MYBL1: variants seen among roughly 807,000 people sequenced by gnomAD.
The protein encoded by MYBL1 is myb-related protein A.
MYBL1 carries 17 observed loss-of-function variants against 96.3 expected under a neutral mutation model. The observed-to-expected ratio is 0.18, with a 90% confidence interval of 0.12 to 0.26. MYBL1 has a LOEUF of 0.26. Ranked by LOEUF, MYBL1 falls within the 10% of genes least tolerant of loss-of-function variation. The probability of loss-of-function intolerance (pLI) is 1.00; values close to 1 mark genes in which losing one functional copy is unlikely to be tolerated. For synonymous variants in MYBL1, 282 were observed against 292.7 expected (o/e 0.96, Z 0.37); for missense variants, 701 against 882.9 (o/e 0.79, Z 2.61).
At chr8:66,605,103 A>G (rs1563553190) in intron 1 of MYBL1, among the ~76,000 whole-genome samples, 1 of 152,238 alleles carries the variant, frequency 6.6e-6, no homozygotes, top group African/African-American at 2.4e-5. Flanking sequence ...TTAGCTTAAT[A>G]TATCAAAAAT....
intron 9 of MYBL1, among the ~76,000 whole-genome samples, chr8:66,578,735 T>C (rs943559551): frequency 2.6e-5 from 4 of 152,228 alleles, no homozygotes; most frequent in African/African-American, 9.6e-5. Flanking sequence ...ACTGGGTATA[T>C]ACCCAAAGGA....
Position 66,566,666 on chromosome 8 carries a change from T to G in MYBL1, c.1950+18A>C. The G allele has an allele frequency of 6.6e-7, 1 of 1,509,234 alleles. No individual in the cohort carries two copies. The highest frequency in any genetic ancestry group is 9.1e-7 in the Non-Finnish European group (1 of 1,095,952). The allele number at this position is 1,509,234 out of a possible 1,614,324, so 93.5% of individuals were successfully genotyped here. A position where few individuals can be genotyped will look rare whatever the true frequency, so the allele number is the denominator to read the frequency against. ...AAGCAACCATTTAAAATAACAACAA[T>G]AATAATCCTTTACAAACCTGCATGT... On this transcript the variant is annotated intron_variant, in intron 14 of 15. Coordinates refer to ENST00000522677, the MANE Select transcript of MYBL1 (RefSeq NM_001080416.4).
rs542910469 is a variant in MYBL1, at chr8:66,573,430, T to A, written c.1547A>T (p.Gln516Leu). The change falls in exon 11 of 16, where the codon CAG (glutamine) becomes CTG (leucine). Residue 516 changes from glutamine to leucine, a missense_variant. Gln to Leu is a moderately radical substitution (Grantham distance 113, BLOSUM62 -2). Coordinates refer to ENST00000522677, the MANE Select transcript of MYBL1 (RefSeq NM_001080416.4). ...AAGAGGAGTTGTAATGAGAGCTTTC[T>A]GCCCACAAATAGGGGTTGATGTAAA... ...PSFTSTPICG[Q>L]KALITTPLHK... The A allele has an allele frequency of 3.7e-6, 6 of 1,612,996 alleles. No homozygotes were observed. The Admixed American group carries it at 8.3e-5, about 22-fold the overall frequency.
At chr8:66,582,654 G>T (rs1453118608) in intron 8 of MYBL1, among the ~76,000 whole-genome samples, 1 of 148,556 alleles carries the variant, frequency 6.7e-6, no homozygotes, top group Non-Finnish European at 1.5e-5. Flanking sequence ...GAAGGTCGAG[G>T]TTACAGAGAG....
intron 1 of MYBL1, among the ~76,000 whole-genome samples, chr8:66,609,325 A>G (rs1234564603): frequency 6.6e-6 from 1 of 152,072 alleles, no homozygotes; most frequent in Non-Finnish European, 1.5e-5. Context: ...ATTCTAAAAG[A>G]AAGAGAAATA....
chr8:66,570,347 T>C (rs1272763470), intron 12 of MYBL1, among the ~76,000 whole-genome samples: 1 of 151,586 alleles, frequency 6.6e-6, no homozygotes. Context: ...CTGCACTCTG[T>C]CCTTTAGGCT....
intron 1 of MYBL1, among the ~76,000 whole-genome samples, chr8:66,609,310 T>G (rs541838957): frequency 1.8e-4 from 28 of 152,164 alleles, no homozygotes; most frequent in African/African-American, 6.7e-4. Flanking sequence ...TTTTTTAAAT[T>G]TTTTATTCTA....
At position 66,599,121 on chromosome 8, in the gene MYBL1, G is replaced by A; in HGVS notation, c.220C>T (p.Gln74Ter). ...TTTAAAACTTTCTGCCATCGATGCT[G>A]GCACTGAAAATCAGAGCGATTCTGA... ...HLQNRSDFQC[Q>*]HRWQKVLNPE... Residue 74 changes from glutamine (Q) to a stop codon, truncating the protein, a stop_gained, in exon 4 of 16, where the codon CAG becomes TAG. Coordinates refer to ENST00000522677, the MANE Select transcript of MYBL1 (RefSeq NM_001080416.4). LOFTEE classifies it high-confidence loss of function. The A allele has an allele frequency of 6.3e-7, 1 of 1,593,100 alleles. No individual in the cohort carries two copies. The highest frequency in any genetic ancestry group is 1.2e-5 in the South Asian group (1 of 86,486).
intron 1 of MYBL1, among the ~76,000 whole-genome samples, chr8:66,604,986 G>A (rs1465855356): frequency 6.6e-6 from 1 of 152,050 alleles, no homozygotes; most frequent in Non-Finnish European, 1.5e-5. Flanking sequence ...GTCTGGAACA[G>A]CACTTCCCAA....
intron 1 of MYBL1, 179 bp downstream of exon 1, chr8:66,612,640 A>G: frequency 3.1e-6 from 2 of 645,228 alleles, no homozygotes; most frequent in Non-Finnish European, 4.6e-6. Flanking sequence ...CTGGTCCCCA[A>G]CTCTCCACAC....
chr8:66,590,721 C>A (rs999965492), intron 8 of MYBL1, among the ~76,000 whole-genome samples: 3 of 151,262 alleles, frequency 2.0e-5, no homozygotes, highest in Non-Finnish European at 4.4e-5. Flanking sequence ...AATAATAAGG[C>A]TCAAGGCATT....
rs1808533641 is a variant in MYBL1, at chr8:66,567,059, G to C, written c.1729-67C>G. The C allele has an allele frequency of 1.2e-5, 12 of 1,011,522 alleles. 1 individual carries two copies. In the Middle Eastern group the frequency reaches 9.3e-4, roughly 78 times the overall value. 62.7% of individuals were successfully genotyped at this position (1,011,522 alleles called of 1,614,324 possible). On this transcript the variant is annotated intron_variant, in intron 12 of 15. Transcript: ENST00000522677. Reference sequence around the variant, plus strand: ...AATTCCTTTTTCTCCCTATATATAGGAAACCCATCTTTTATACTTGTCCAT... The same window carrying C: ...AATTCCTTTTTCTCCCTATATATAGCAAACCCATCTTTTATACTTGTCCAT...
At chr8:66,581,825 A>T (rs951987152) in intron 8 of MYBL1, among the ~76,000 whole-genome samples, 1 of 152,206 alleles carries the variant, frequency 6.6e-6, no homozygotes, top group Non-Finnish European at 1.5e-5. Flanking sequence ...AAAAAGAAAA[A>T]TGCCTGCCAA....
intron 12 of MYBL1, among the ~76,000 whole-genome samples, chr8:66,569,375 G>C (rs917432610): frequency 4.7e-4 from 70 of 150,116 alleles, no homozygotes; most frequent in African/African-American, 1.6e-3. Context: ...TTTGAGGTGG[G>C]GTCTCACTCT....
chr8:66,567,718 A>C lies in MYBL1; in HGVS notation c.1729-726T>G, dbSNP rs1808561332. 1.3e-5 allele frequency among the ~76,000 whole-genome samples: 2 copies of C among 152,298 alleles called. 1 individual carries two copies. The highest frequency in any genetic ancestry group is 6.8e-3 in the Middle Eastern group (2 of 294). ...CTAACTTATACCTTTCATAACCAAG[A>C]TATACTTGAAAAGGTAATAAAACCT... On this transcript the variant is annotated intron_variant, in intron 12 of 15. Transcript: ENST00000522677.
In MYBL1 at chr8:66,576,138, G is replaced by A; in HGVS notation, c.1339C>T (p.Leu447Phe). 4.3e-6 allele frequency: 7 copies of A among 1,613,910 alleles called. No individual in the cohort carries two copies. The highest frequency in any genetic ancestry group is 5.9e-6 in the Non-Finnish European group (7 of 1,179,868). Residue 447 changes from leucine to phenylalanine, a missense_variant, in exon 10 of 16, where the codon CTC becomes TTC. Leu to Phe is a conservative substitution (Grantham distance 22, BLOSUM62 0). Coordinates refer to ENST00000522677, the MANE Select transcript of MYBL1 (RefSeq NM_001080416.4). The stretch of plus-strand genomic sequence containing the variant: ...ACTCGCATTTTTCTCTTCTTTCTGA[G>A]GATGGCTGGTGGAGTGCTAAACTTG... ...IAKFSTPPAI[L>F]RKKRKMRVGH...
intron 8 of MYBL1, among the ~76,000 whole-genome samples, chr8:66,580,808 CTCTA>C (rs898283937): frequency 6.6e-5 from 10 of 152,026 alleles, no homozygotes; most frequent in African/African-American, 2.4e-4. Context: ...TTGCTGCTCC[CTCTA>C]TCTATTAATA....
intron 5 of MYBL1, among the ~76,000 whole-genome samples, chr8:66,596,561 C>T (rs1478404358): frequency 1.3e-5 from 2 of 152,190 alleles, no homozygotes; most frequent in African/African-American, 4.8e-5. Context: ...AACACTATGC[C>T]TTAATATCTT....
rs1427134400 is a variant in MYBL1 at position 66,564,844 on chromosome 8, T to C, written c.2131-19A>G. On this transcript the variant is annotated intron_variant, in intron 15 of 15. Coordinates refer to ENST00000522677, the MANE Select transcript of MYBL1 (RefSeq NM_001080416.4). ...AATTTGACTAGAAAGGAAATATTAA[T>C]AGTGACATGAAAATTATTAAAATAG... The C allele has an allele frequency of 6.6e-7, 1 of 1,521,068 alleles. No homozygotes were observed. Among genetic ancestry groups the C allele is most frequent in the Admixed American group, 2.0e-5 (1 of 49,974 alleles). The allele number at this position is 1,521,068 out of a possible 1,614,324, so 94.2% of individuals were successfully genotyped here.
Sources: allele counts gnomAD v4.1 joint callset (sites outside exome capture counted in the v4.1 genomes callset), GRCh38; gene constraint gnomAD v4.1.1; transcripts MANE v1.5; gene names NCBI Gene and HGNC (gene_info 2026-07-23, HGNC 2026-07-21).